PHC3: variants seen among roughly 807,000 people sequenced by gnomAD.
PHC3 encodes polyhomeotic homolog 3.
Under a neutral mutation model 107.4 loss-of-function variants are expected in PHC3, and 13 were observed. That is an observed-to-expected ratio of 0.12 (90% CI 0.08 to 0.19). PHC3 has a LOEUF of 0.19. Ranked by LOEUF, PHC3 falls within the 10% of genes least tolerant of loss-of-function variation. PHC3 has a pLI of 1.00. For synonymous variants in PHC3, 456 were observed against 427.4 expected (o/e 1.07, Z -0.83); for missense variants, 992 against 1,210.9 (o/e 0.82, Z 2.68).
intron 8 of PHC3, among the ~76,000 whole-genome samples, chr3:170,126,530 T>TATATATA (rs1560059403): frequency 1.6e-4 from 12 of 72,886 alleles, no homozygotes; most frequent in African/African-American, 7.0e-4. Flanking sequence ...ATATATATAT[T>TATATATA]TTTTTTTTTT....
At chr3:170,108,228 G>A (rs1340042377) in intron 11 of PHC3, among the ~76,000 whole-genome samples, 1 of 152,034 alleles carries the variant, frequency 6.6e-6, no homozygotes, top group Non-Finnish European at 1.5e-5. Flanking sequence ...CTCCATATGT[G>A]TGCTCTTTCT....
chr3:170,117,284 T>G lies in PHC3; in HGVS notation c.2135A>C (p.Gln712Pro). 1 of 1,614,012 alleles carries G rather than the reference T, an allele frequency of 6.2e-7. No homozygotes were observed. Among genetic ancestry groups the G allele is most frequent in the Non-Finnish European group, 8.5e-7 (1 of 1,179,872 alleles). The change falls in exon 10 of 15, where the codon CAG (glutamine) becomes CCG (proline). Residue 712 changes from glutamine to proline, a missense_variant. Gln to Pro is a moderately conservative substitution (Grantham distance 76). Coordinates refer to ENST00000495893, the MANE Select transcript of PHC3 (RefSeq NM_024947.4). ...GCCTTCAATAACATGGGTTAGGATCTGTGGTTTAACAATAGCCTGTGGAGG... is the reference window on the plus strand; with the variant it reads ...GCCTTCAATAACATGGGTTAGGATCGGTGGTTTAACAATAGCCTGTGGAGG... ...NKPPQAIVKP[Q>P]ILTHVIEGFV...
intron 4 of PHC3, among the ~76,000 whole-genome samples, chr3:170,159,168 C>T (rs145322404): frequency 1.4e-5 from 2 of 145,140 alleles, no homozygotes; most frequent in Non-Finnish European, 3.0e-5. Flanking sequence ...GGAGAACGGG[C>T]GTGAACCTGG....
At chr3:170,168,192 G>C (rs12486318) in intron 4 of PHC3, among the ~76,000 whole-genome samples, 4 of 95,278 alleles carry the variant, frequency 4.2e-5, no homozygotes, top group African/African-American at 1.2e-4. Flanking sequence ...AAGTCAAAGG[G>C]AAAGGGAAAG....
Position 170,097,371 on chromosome 3 carries a change from G to A in PHC3, c.2847C>T (p.Ile949=), listed in dbSNP as rs771616545. 57 of 1,612,428 alleles carry A rather than the reference G, an allele frequency of 3.5e-5. No individual in the cohort carries two copies. Among genetic ancestry groups the A allele is most frequent in the Non-Finnish European group, 4.4e-5 (52 of 1,178,958 alleles). ...FIHSLPGCQD[I]ADEFRAQEID... is the part of the protein sequence containing the mutation. Reference sequence around the variant, plus strand: ...TCTCCTGTGCTCTGAATTCATCTGCGATATCCTGGCAGCCTGGAATTTGAC... The same window carrying A: ...TCTCCTGTGCTCTGAATTCATCTGCAATATCCTGGCAGCCTGGAATTTGAC... The change falls in exon 15 of 15, where the codon ATC becomes ATT. Residue 949 remains isoleucine (I), a synonymous_variant. Transcript: ENST00000495893. This position sits in a 1 kb window ranked among gnomAD's most constrained non-coding sequence, Gnocchi z 4.1.
rs1388082418 is a variant in PHC3, at chr3:170,091,205, A to C, written c.*6025T>G. Reference sequence around the variant, plus strand: ...ATCCTTAAGATGATTACTGGAGTAAATTTAAACAGGTGCTCTAAAAGAACT... The same window carrying C: ...ATCCTTAAGATGATTACTGGAGTAACTTTAAACAGGTGCTCTAAAAGAACT... On this transcript the variant is annotated 3_prime_UTR_variant, in exon 15 of 15. Coordinates refer to ENST00000495893, the MANE Select transcript of PHC3 (RefSeq NM_024947.4). 2 of 152,250 alleles carry C rather than the reference A, an allele frequency of 1.3e-5. No homozygotes were observed. The highest frequency in any genetic ancestry group is 2.4e-5 in the African/African-American group (1 of 41,476). The allele number at this position is 152,250 out of a possible 1,614,324, so 9.4% of individuals were successfully genotyped here. A position where few individuals can be genotyped will look rare whatever the true frequency, so the allele number is the denominator to read the frequency against.
At chr3:170,108,863 A>T (rs1252131681) in intron 11 of PHC3, among the ~76,000 whole-genome samples, 1 of 152,188 alleles carries the variant, frequency 6.6e-6, no homozygotes, top group African/African-American at 2.4e-5. Flanking sequence ...TAATTAACAT[A>T]GCAATGTCCA....
chr3:170,108,934 G>C (rs1171547618), intron 11 of PHC3, among the ~76,000 whole-genome samples: 1 of 152,174 alleles, frequency 6.6e-6, no homozygotes, highest in Non-Finnish European at 1.5e-5. Flanking sequence ...GTTGGTGACA[G>C]AGAGGAAATA....
At chr3:170,165,726 C>A (rs1275861880) in intron 4 of PHC3, among the ~76,000 whole-genome samples, 1 of 143,376 alleles carries the variant, frequency 7.0e-6, no homozygotes, top group East Asian at 2.0e-4. Context: ...TGTACTCCAG[C>A]CTGGGTGACA....
intron 4 of PHC3, among the ~76,000 whole-genome samples, chr3:170,157,435 T>C (rs1053601162): frequency 6.6e-6 from 1 of 152,246 alleles, no homozygotes; most frequent in Non-Finnish European, 1.5e-5. Context: ...TCTGTACTGT[T>C]GGAATATTTT....
rs763265162 is a variant in PHC3, at chr3:170,129,039, A to G, written c.1433T>C (p.Ile478Thr). 2 of 1,612,664 alleles carry G rather than the reference A, an allele frequency of 1.2e-6. No homozygotes were observed. Among genetic ancestry groups the G allele is most frequent in the Non-Finnish European group, 1.7e-6 (2 of 1,179,208 alleles). The change falls in exon 8 of 15, where the codon ATT becomes ACT. Residue 478 changes from isoleucine (I) to threonine (T), a missense_variant. Ile to Thr is a moderately conservative substitution (Grantham distance 89). Coordinates refer to ENST00000495893, the MANE Select transcript of PHC3 (RefSeq NM_024947.4). ...CAAGGCAGACTGCTGAACTGGGCCA[A>G]TGTGTACAACAGGGGAAGCTGGAAG... The part of the protein sequence containing the change: ...LPLPASPVVH[I>T]GPVQQSALVS...
At position 170,155,888 on chromosome 3, in the gene PHC3, TA is replaced by T. The variant is rs887745620; in HGVS notation, c.415-6645del. Among the ~76,000 whole-genome samples the T allele has an allele frequency of 3.3e-5, 5 of 152,240 alleles. No homozygotes were observed. In the South Asian group the frequency reaches 6.2e-4, roughly 19 times the overall value. ...AAAGGTGTATATATATAATGCCTTC[TA>T]GGAGTAAAATCCGGGATTACTTTTT... On this transcript the variant is annotated intron_variant, in intron 4 of 14. Transcript: ENST00000495893.
intron 10 of PHC3, among the ~76,000 whole-genome samples, chr3:170,115,439 A>G (rs1718729948): frequency 6.6e-6 from 1 of 152,186 alleles, no homozygotes; most frequent in South Asian, 2.1e-4. Flanking sequence ...TATACAATAC[A>G]TATGTACATA....
rs562213452 is a variant in PHC3, at chr3:170,097,176, C to T, written c.*54G>A. ...TAGACCAAGTTAGGCCTTTACCTTA[C>T]AAGTTTTTGTGAGAAAAGTAAAACT... On this transcript the variant is annotated 3_prime_UTR_variant, in exon 15 of 15. Coordinates refer to ENST00000495893, the MANE Select transcript of PHC3 (RefSeq NM_024947.4). This position sits in a 1 kb window ranked among gnomAD's most constrained non-coding sequence, Gnocchi z 4.1. 13 of 1,538,080 alleles carry T rather than the reference C, an allele frequency of 8.5e-6. No individual in the cohort carries two copies. The highest frequency in any genetic ancestry group is 1.8e-4 in the Middle Eastern group (1 of 5,682).
chr3:170,103,012 G>T, intron 12 of PHC3, 78 bp from the exon 13 acceptor site: 1 of 1,390,646 alleles, frequency 7.2e-7, no homozygotes, highest in Non-Finnish European at 9.9e-7. Flanking sequence ...ACTTTAAAGT[G>T]CAACTGTGAA....
chr3:170,102,060 A>G (rs1715579267), intron 14 of PHC3: 2 of 854,840 alleles, frequency 2.3e-6, no homozygotes, highest in Non-Finnish European at 2.8e-6. Context: ...TGTAAAAAAA[A>G]GAAAAAAGTC....
rs768101716 is a variant in PHC3, at chr3:170,102,617, C to G, written c.2695G>C (p.Glu899Gln). The G allele has an allele frequency of 6.2e-7, 1 of 1,613,842 alleles. No homozygotes were observed. The highest frequency in any genetic ancestry group is 8.5e-7 in the Non-Finnish European group (1 of 1,179,868). ...AMTTRLRRQS[E>Q]RERERELRDV... is the part of the protein sequence containing the mutation. ...CGAAGCTCACGTTCTCTTTCCCGCTCGCTCTGCCTGCGCAGACGAGTTGTC... is the reference window on the plus strand; with the variant it reads ...CGAAGCTCACGTTCTCTTTCCCGCTGGCTCTGCCTGCGCAGACGAGTTGTC... Residue 899 changes from glutamate (E) to glutamine (Q), a missense_variant, in exon 14 of 15, where the codon GAG becomes CAG. Transcript: ENST00000495893.
chr3:170,134,187 A>AAT (rs144553767), intron 7 of PHC3, among the ~76,000 whole-genome samples: 280 of 150,202 alleles, frequency 1.9e-3, no homozygotes, highest in Non-Finnish European at 2.4e-3. Flanking sequence ...CTATACTACG[A>AAT]ATATATATAT....
chr3:170,107,419 T>C (rs1024176647), intron 11 of PHC3, among the ~76,000 whole-genome samples: 3 of 152,108 alleles, frequency 2.0e-5, no homozygotes, highest in Admixed American at 6.6e-5. Context: ...TTGTGATATG[T>C]CTGATTTTAC....
Sources: gnomAD v4.1 joint callset for allele counts (sites outside exome capture counted in the v4.1 genomes callset) on GRCh38, gnomAD v4.1.1 for gene constraint, Gnocchi (gnomAD v3.1) non-coding constraint, MANE v1.5 for transcripts, NCBI Gene and HGNC (gene_info 2026-07-23, HGNC 2026-07-21) for gene names.